The following F13B variants were observed in gnomAD, a reference collection of about 807,000 sequenced individuals.
F13B encodes the protein TGase.
F13B carries 58 observed loss-of-function variants against 79.8 expected under a neutral mutation model. The observed-to-expected ratio is 0.73, with a 90% CI of 0.59 to 0.90. The LOEUF (loss-of-function observed/expected upper bound fraction) is 0.90. F13B is among the 40% of genes least tolerant of loss of function. The probability of loss-of-function intolerance (pLI) is 0.00; values close to 1 mark genes in which losing one functional copy is unlikely to be tolerated. For synonymous variants in F13B, 283 were observed against 260.3 expected (o/e 1.09, Z -0.84); for missense variants, 773 against 777.0 (o/e 0.99, Z 0.06).
intron 1 of F13B, 44 bp downstream of exon 1, chr1:197,067,116 T>C (rs1479350102): frequency 8.7e-7 from 1 of 1,154,492 alleles, no homozygotes; most frequent in South Asian, 1.3e-5. Flanking sequence ...AGAATCTCCA[T>C]TTGTATGTTT....
At chr1:197,047,790 C>T (rs1455358520) in intron 10 of F13B, among the ~76,000 whole-genome samples, 1 of 152,132 alleles carries the variant, frequency 6.6e-6, no homozygotes, top group East Asian at 1.9e-4. Flanking sequence ...CACATACACA[C>T]CATGGAATAC....
At chr1:197,063,662 T>C (rs986112544) in intron 1 of F13B, among the ~76,000 whole-genome samples, 7 of 152,156 alleles carry the variant, frequency 4.6e-5, no homozygotes, top group Admixed American at 6.6e-5. Context: ...ACTTATGTAA[T>C]TTAAAAATTT....
At chr1:197,047,967 AT>A (rs1217736257) in intron 10 of F13B, among the ~76,000 whole-genome samples, 1 of 152,124 alleles carries the variant, frequency 6.6e-6, no homozygotes, top group Non-Finnish European at 1.5e-5. Flanking sequence ...AGGGCAGGGA[AT>A]ATCAAACACC....
chr1:197,062,002 G>T (rs1655881938), intron 2 of F13B, 33 bp from the exon 3 acceptor site: 1 of 1,546,278 alleles, frequency 6.5e-7, no homozygotes, highest in African/African-American at 1.4e-5. Context: ...ACTTAATGAT[G>T]AAACTAAGCT....
intron 10 of F13B, among the ~76,000 whole-genome samples, chr1:197,049,590 G>T (rs944741312): frequency 6.6e-6 from 1 of 151,844 alleles, no homozygotes; most frequent in Non-Finnish European, 1.5e-5. Flanking sequence ...GTCTTTTCAC[G>T]GAAAAACTCA....
intron 10 of F13B, among the ~76,000 whole-genome samples, chr1:197,049,128 G>T (rs1209272389): frequency 6.6e-6 from 1 of 151,880 alleles, no homozygotes; most frequent in African/African-American, 2.4e-5. Context: ...TGCTCAGAGA[G>T]AAATTTCTAT....
Position 197,057,191 on chromosome 1 carries a change from C to A in F13B, c.993G>T (p.Gln331His). Residue 331 changes from glutamine to histidine, a missense_variant, in exon 7 of 12, where the codon CAG (glutamine) becomes CAT (histidine). Physicochemically the swap from Gln to His is conservative, Grantham distance 24. Transcript: ENST00000367412. Reference sequence around the variant, plus strand: ...GTGGTTCCTCACAGGCTACCTTCTCCTGTCCTTCTGAAAAGGTACAGTTGA... The same window carrying A: ...GTGGTTCCTCACAGGCTACCTTCTCATGTCCTTCTGAAAAGGTACAGTTGA... ...WTEPPKCIEGQEKVACEEPPF... is the reference protein window; with the variant it reads ...WTEPPKCIEGHEKVACEEPPF... 1 of 1,613,886 alleles carries A rather than the reference C, an allele frequency of 6.2e-7. No homozygotes were observed. The highest frequency in any genetic ancestry group is 8.5e-7 in the Non-Finnish European group (1 of 1,179,922).
At chr1:197,061,283 CTAGTCTACAAGTGCTT>C (rs1655852554) in intron 3 of F13B, among the ~76,000 whole-genome samples, 1 of 152,050 alleles carries the variant, frequency 6.6e-6, no homozygotes, top group Non-Finnish European at 1.5e-5. Context: ...TTTTAAAATT[CTAGTCTACAAGTGCTT>C]GACCAAAGGC....
intron 8 of F13B, among the ~76,000 whole-genome samples, chr1:197,054,476 G>C (rs1488216267): frequency 6.6e-6 from 1 of 151,718 alleles, no homozygotes; most frequent in African/African-American, 2.4e-5. Flanking sequence ...ACAAAAGGTT[G>C]AAAGAGCTCA....
At chr1:197,054,817 C>T (rs2125066164) in intron 8 of F13B, among the ~76,000 whole-genome samples, 5 of 151,884 alleles carry the variant, frequency 3.3e-5, no homozygotes, top group Middle Eastern at 6.9e-3. Context: ...GTAGGGTTAA[C>T]AAAGCAGAAC....
In F13B at chr1:197,060,911, G is replaced by A. The variant is rs764880996; in HGVS notation, c.616C>T (p.Pro206Ser). Residue 206 changes from proline (P) to serine (S), a missense_variant, in exon 4 of 12, where the codon CCA becomes TCA. Pro to Ser is a moderately conservative substitution (Grantham distance 74). Transcript: ENST00000367412. ...ECLTYGWSLT[P>S]KCTKLKCSSL... Reference sequence around the variant, plus strand: ...AATGAGAACCTACTGGTACATTTTGGTGTGAGAGACCATCCGTATGTGAGA... The same window carrying A: ...AATGAGAACCTACTGGTACATTTTGATGTGAGAGACCATCCGTATGTGAGA... The A allele has an allele frequency of 6.2e-6, 10 of 1,612,830 alleles. No individual in the cohort carries two copies. The South Asian group carries it at 1.1e-4, about 18-fold the overall frequency.
intron 10 of F13B, among the ~76,000 whole-genome samples, chr1:197,044,973 A>C (rs1434329860): frequency 6.6e-6 from 1 of 152,192 alleles, no homozygotes; most frequent in East Asian, 1.9e-4. Flanking sequence ...GGACAAAGAC[A>C]CTACGTACCA....
chr1:197,046,889 T>C (rs1352868585), intron 10 of F13B, among the ~76,000 whole-genome samples: 1 of 152,088 alleles, frequency 6.6e-6, no homozygotes, highest in Non-Finnish European at 1.5e-5. Flanking sequence ...TTGACAAACC[T>C]GACAAAAACA....
At chr1:197,055,953 A>ATGAGTT in intron 7 of F13B, 56 bp from the exon 8 acceptor site, 1 of 1,327,618 alleles carries the variant, frequency 7.5e-7, no homozygotes, top group Non-Finnish European at 1.1e-6. Flanking sequence ...ATACTATAGT[A>ATGAGTT]ACTCATACTA....
chr1:197,051,801 T>C (rs573152383), intron 9 of F13B, among the ~76,000 whole-genome samples: 1 of 152,306 alleles, frequency 6.6e-6, no homozygotes, highest in Non-Finnish European at 1.5e-5. Context: ...CATATGTTTG[T>C]TGGCCACATA....
At chr1:197,066,893 G>C (rs1345757068) in intron 1 of F13B, among the ~76,000 whole-genome samples, 3 of 152,034 alleles carry the variant, frequency 2.0e-5, no homozygotes, top group East Asian at 3.9e-4. Context: ...AAACCTTTTC[G>C]AAGTATTTAG....
At chr1:197,042,326 A>G (rs984649521) in intron 10 of F13B, among the ~76,000 whole-genome samples, 5 of 152,210 alleles carry the variant, frequency 3.3e-5, no homozygotes, top group Non-Finnish European at 7.3e-5. Context: ...AGAACATGAG[A>G]TTTAAATTAA....
chr1:197,048,348 T>A (rs961765991), intron 10 of F13B, among the ~76,000 whole-genome samples: 1 of 151,746 alleles, frequency 6.6e-6, no homozygotes, highest in Non-Finnish European at 1.5e-5. Context: ...ATAAACTGCA[T>A]AAGTATATTT....
Position 197,061,786 on chromosome 1 carries a change from T to C in F13B, c.449A>G (p.His150Arg). The stretch of plus-strand genomic sequence containing the variant: ...GTTTTAGGAAATGATTCTTATACCA[T>C]GTTCTTTCCTACAGGTTGGTTGAGA... ...WSSQPTCRKEHETCLAPELYN... is the reference protein window; with the variant it reads ...WSSQPTCRKERETCLAPELYN... The change falls in exon 3 of 12, where the codon CAT (histidine) becomes CGT (arginine). Residue 150 changes from histidine (H) to arginine (R), a missense_variant and splice_region_variant. Transcript: ENST00000367412. The C allele has an allele frequency of 1.2e-6, 2 of 1,612,632 alleles. No homozygotes were observed. The highest frequency in any genetic ancestry group is 2.2e-5 in the South Asian group (2 of 91,054).
Sources: allele counts gnomAD v4.1 joint callset (sites outside exome capture counted in the v4.1 genomes callset), GRCh38; gene constraint gnomAD v4.1.1; transcripts MANE v1.5; gene names NCBI Gene and HGNC (gene_info 2026-07-23, HGNC 2026-07-21).